CNTN3: variants seen among roughly 807,000 people sequenced by gnomAD.
The protein encoded by CNTN3 is contactin-3.
A neutral mutation model predicts 119.1 loss-of-function variants in CNTN3; 60 were observed. The observed-to-expected ratio is 0.50, with a 90% CI of 0.41 to 0.62. The LOEUF is 0.62. Ranked by LOEUF, CNTN3 falls within the 20% of genes least tolerant of loss-of-function variation. The pLI is 0.00. For missense variants in CNTN3, 1,101 were observed against 1,242.4 expected (o/e 0.89, Z 1.71); for synonymous variants, 450 against 438.7 (o/e 1.03, Z -0.32).
At chr3:74,397,438 T>C (rs1705083733) in intron 5 of CNTN3, among the ~76,000 whole-genome samples, 1 of 152,006 alleles carries the variant, frequency 6.6e-6, no homozygotes, top group Admixed American at 6.6e-5. Flanking sequence ...CTCCACAAAC[T>C]GTGCTCATAT....
intron 1 of CNTN3, among the ~76,000 whole-genome samples, chr3:74,532,367 G>T (rs554558450): frequency 6.6e-6 from 1 of 152,054 alleles, no homozygotes; most frequent in South Asian, 2.1e-4. Context: ...CCCCCTGGTG[G>T]ATGCTTGAAA....
chr3:74,583,675 A>G (rs931688331), intron 1 of CNTN3, among the ~76,000 whole-genome samples: 2 of 152,218 alleles, frequency 1.3e-5, no homozygotes, highest in African/African-American at 4.8e-5. Context: ...TAATCAACTG[A>G]CAAAATGCAT....
At chr3:74,557,824 G>A (rs1239798111) in intron 1 of CNTN3, among the ~76,000 whole-genome samples, 1 of 151,938 alleles carries the variant, frequency 6.6e-6, no homozygotes, top group Admixed American at 6.6e-5. Flanking sequence ...CTTGAGGCCA[G>A]CTGCAGAGAT....
At chr3:74,270,186 G>C (rs1207829504) in intron 20 of CNTN3, among the ~76,000 whole-genome samples, 1 of 152,162 alleles carries the variant, frequency 6.6e-6, no homozygotes, top group Non-Finnish European at 1.5e-5. Flanking sequence ...GTGGTTCCCT[G>C]CCTGTAAATA....
At chr3:74,336,095 A>AT (rs1703387562) in intron 12 of CNTN3, among the ~76,000 whole-genome samples, 1 of 152,026 alleles carries the variant, frequency 6.6e-6, no homozygotes, top group South Asian at 2.1e-4. Context: ...AGGTGCTCCA[A>AT]TTTTTTCATG....
intron 11 of CNTN3, among the ~76,000 whole-genome samples, chr3:74,356,445 TGATCCCTA>T: frequency 6.6e-6 from 1 of 152,192 alleles, no homozygotes; most frequent in Admixed American, 6.5e-5. Flanking sequence ...GAGCTTGTCC[TGATCCCTA>T]ATTTGGAGAT....
chr3:74,549,899 C>A (rs931217844), intron 1 of CNTN3, among the ~76,000 whole-genome samples: 4 of 152,196 alleles, frequency 2.6e-5, no homozygotes, highest in Non-Finnish European at 5.9e-5. Flanking sequence ...CTGGAACAGG[C>A]ACATGCCATC....
At chr3:74,307,394 G>C (rs1702586199) in intron 13 of CNTN3, among the ~76,000 whole-genome samples, 1 of 151,796 alleles carries the variant, frequency 6.6e-6, no homozygotes, top group Non-Finnish European at 1.5e-5. Flanking sequence ...GTTTGTCTTA[G>C]GAAAAAACAA....
At chr3:74,583,229 G>T (rs1040131829) in intron 1 of CNTN3, among the ~76,000 whole-genome samples, 1 of 152,088 alleles carries the variant, frequency 6.6e-6, no homozygotes, top group African/African-American at 2.4e-5. Context: ...CCTCTGGATC[G>T]CAGGTTAGAT....
Position 74,521,169 on chromosome 3 carries a change from T to G in CNTN3, c.-57A>C. 2.0e-6 allele frequency: 2 copies of G among 1,006,012 alleles called. No homozygotes were observed. Among genetic ancestry groups the G allele is most frequent in the South Asian group, 1.6e-5 (1 of 61,534 alleles). The allele number at this position is 1,006,012 out of a possible 1,614,324, so 62.3% of individuals were successfully genotyped here. Reference sequence around the variant, plus strand: ...TCCAGTCTCTGATGAATAGAATGCTTTCTCTTCAGGTAAATCCTTTAATCT... The same window carrying G: ...TCCAGTCTCTGATGAATAGAATGCTGTCTCTTCAGGTAAATCCTTTAATCT... On this transcript the variant is annotated 5_prime_UTR_variant, in exon 2 of 23. Transcript: ENST00000263665.
At chr3:74,459,497 C>A (rs1702326753) in intron 4 of CNTN3, among the ~76,000 whole-genome samples, 1 of 151,966 alleles carries the variant, frequency 6.6e-6, no homozygotes, top group African/African-American at 2.4e-5. Flanking sequence ...GGTGCAAGAT[C>A]TCTGACCCGC....
intron 4 of CNTN3, among the ~76,000 whole-genome samples, chr3:74,448,211 T>C (rs1382799683): frequency 1.3e-5 from 2 of 152,154 alleles, no homozygotes; most frequent in South Asian, 4.1e-4. Context: ...TTTACATCCA[T>C]TCTGAACACA....
chr3:74,317,159 C>G (rs1702850549), intron 13 of CNTN3, among the ~76,000 whole-genome samples: 1 of 135,474 alleles, frequency 7.4e-6, no homozygotes, highest in Non-Finnish European at 1.6e-5. Context: ...GGATTGCAAC[C>G]CCTGCCTTTT....
intron 13 of CNTN3, among the ~76,000 whole-genome samples, chr3:74,323,509 C>T (rs186271690): frequency 9.6e-4 from 146 of 152,158 alleles, no homozygotes; most frequent in African/African-American, 3.4e-3. Context: ...CAAAGATACT[C>T]TAAAACTAAC....
intron 1 of CNTN3, among the ~76,000 whole-genome samples, chr3:74,557,549 C>T (rs1057123178): frequency 2.6e-4 from 40 of 152,094 alleles, no homozygotes; most frequent in African/African-American, 9.4e-4. Flanking sequence ...GCAGAAGTAG[C>T]CTCAGCAATC....
At chr3:74,336,261 A>C (rs917719400) in intron 12 of CNTN3, among the ~76,000 whole-genome samples, 2 of 152,160 alleles carry the variant, frequency 1.3e-5, no homozygotes, top group African/African-American at 2.4e-5. Context: ...TATTTAAAAA[A>C]AAATAGAATG....
chr3:74,415,329 G>A (rs1398968903), intron 5 of CNTN3, among the ~76,000 whole-genome samples: 1 of 152,142 alleles, frequency 6.6e-6, no homozygotes, highest in East Asian at 1.9e-4. Flanking sequence ...GACTGAAAGT[G>A]TAAGTTGTAA....
intron 1 of CNTN3, among the ~76,000 whole-genome samples, chr3:74,596,793 C>T (rs764008685): frequency 1.3e-5 from 2 of 152,058 alleles, no homozygotes; most frequent in Admixed American, 6.6e-5. Flanking sequence ...TAAAAATGTG[C>T]AATGGACTTG....
At chr3:74,355,214 C>T (rs1703908123) in intron 11 of CNTN3, among the ~76,000 whole-genome samples, 1 of 152,088 alleles carries the variant, frequency 6.6e-6, no homozygotes, top group Admixed American at 6.5e-5. Flanking sequence ...TGAATCCTAA[C>T]CTGGAAATCT....
Sources: allele counts gnomAD v4.1 joint callset (sites outside exome capture counted in the v4.1 genomes callset), GRCh38; gene constraint gnomAD v4.1.1; transcripts MANE v1.5; gene names NCBI Gene and HGNC (gene_info 2026-07-23, HGNC 2026-07-21).